ATP6V1H: variants seen among roughly 807,000 people sequenced by gnomAD.
The protein encoded by ATP6V1H is V-type proton ATPase subunit H.
A neutral mutation model predicts 71.7 loss-of-function variants in ATP6V1H; 39 were observed. The ratio of observed to expected loss-of-function variants is 0.54; its 90% CI spans 0.42 to 0.71. The LOEUF (loss-of-function observed/expected upper bound fraction) is 0.71. Among genes scored for constraint, ATP6V1H ranks in the 30% least tolerant of loss-of-function variants. The probability of loss-of-function intolerance (pLI) is 0.00; values close to 1 mark genes in which losing one functional copy is unlikely to be tolerated. For synonymous variants in ATP6V1H, 192 were observed against 199.3 expected, an observed-to-expected ratio of 0.96 and a Z score of 0.31; for missense variants, 509 against 594.9, an observed-to-expected ratio of 0.86 and a Z score of 1.50.
chr8:53,795,872 A>C, intron 8 of ATP6V1H, 33 bp from the exon 9 acceptor site: 1 of 1,561,344 alleles, frequency 6.4e-7, no homozygotes, highest in South Asian at 1.2e-5. Flanking sequence ...AAACACATTT[A>C]CAAAACATTT....
intron 2 of ATP6V1H, chr8:53,839,749 A>T (rs1763083964): frequency 1.0e-6 from 1 of 985,258 alleles, no homozygotes; most frequent in Non-Finnish European, 1.2e-6. Context: ...TCTCAAAAAG[A>T]GGGCTCTGGG....
At chr8:53,793,949 A>G (rs1350952316) in intron 9 of ATP6V1H, among the ~76,000 whole-genome samples, 6 of 152,316 alleles carry the variant, frequency 3.9e-5, no homozygotes, top group African/African-American at 1.4e-4. Context: ...AAAAAACAAA[A>G]AAAAGTGTAC....
At chr8:53,733,322 T>G (rs1807090989) in intron 13 of ATP6V1H, among the ~76,000 whole-genome samples, 1 of 152,158 alleles carries the variant, frequency 6.6e-6, no homozygotes, top group Non-Finnish European at 1.5e-5. Context: ...CTCAGTACAC[T>G]TGGACCTGGC....
intron 4 of ATP6V1H, among the ~76,000 whole-genome samples, chr8:53,827,396 A>T (rs1350856463): frequency 6.6e-6 from 1 of 152,148 alleles, no homozygotes; most frequent in Non-Finnish European, 1.5e-5. Flanking sequence ...AAAATAAATA[A>T]AATAAAAATA....
intron 2 of ATP6V1H, among the ~76,000 whole-genome samples, chr8:53,839,073 A>T (rs1276845481): frequency 6.6e-6 from 1 of 152,248 alleles, no homozygotes; most frequent in Non-Finnish European, 1.5e-5. Flanking sequence ...GGACATCAGA[A>T]CAAAAGACAG....
At chr8:53,829,043 C>G (rs1320306158) in intron 4 of ATP6V1H, among the ~76,000 whole-genome samples, 1 of 152,174 alleles carries the variant, frequency 6.6e-6, no homozygotes, top group Non-Finnish European at 1.5e-5. Flanking sequence ...AACAAAAGCA[C>G]CGAACCTCCA....
chr8:53,742,168 G>A (rs1716809448), intron 13 of ATP6V1H, among the ~76,000 whole-genome samples: 1 of 152,138 alleles, frequency 6.6e-6, no homozygotes, highest in Admixed American at 6.5e-5. Flanking sequence ...CATCCTTCAT[G>A]TCAGAGTTTG....
In ATP6V1H at chr8:53,808,870, TA is replaced by T. The variant is rs569890853; in HGVS notation, c.579+2293del. Among the ~76,000 whole-genome samples the T allele has an allele frequency of 2.2e-3, 337 of 152,252 alleles. 2 individuals carry two copies. The highest frequency in any genetic ancestry group is 7.8e-3 in the African/African-American group (326 of 41,544). On this transcript the variant is annotated intron_variant, in intron 7 of 13. Coordinates refer to ENST00000359530, the MANE Select transcript of ATP6V1H (RefSeq NM_015941.4). ...TAAAATGATGCTTCTGAGGCCATTT[TA>T]AAAAAGGTAAGACTGTTGAATCATG...
At chr8:53,781,622 A>G (rs1478970541) in intron 9 of ATP6V1H, among the ~76,000 whole-genome samples, 28 of 152,246 alleles carry the variant, frequency 1.8e-4, no homozygotes, top group Middle Eastern at 3.4e-3. Context: ...GCCCATGCCT[A>G]TGTCCTGAAT....
chr8:53,769,260 A>T (rs1808569617), intron 11 of ATP6V1H, among the ~76,000 whole-genome samples: 1 of 152,140 alleles, frequency 6.6e-6, no homozygotes, highest in African/African-American at 2.4e-5. Flanking sequence ...TGATGAATTG[A>T]CCTACATCGA....
chr8:53,730,015 C>A (rs950568591), intron 13 of ATP6V1H, among the ~76,000 whole-genome samples: 1 of 152,210 alleles, frequency 6.6e-6, no homozygotes, highest in Non-Finnish European at 1.5e-5. Context: ...CATGATGACA[C>A]AGCTCAGCCT....
At position 53,795,663 on chromosome 8, in the gene ATP6V1H, A is replaced by G. The variant is rs1246137393; in HGVS notation, c.854T>C (p.Ile285Thr). 1.2e-6 allele frequency: 2 copies of G among 1,612,736 alleles called. No individual in the cohort carries two copies. Among genetic ancestry groups the G allele is most frequent in the Non-Finnish European group, 1.7e-6 (2 of 1,179,706 alleles). The change falls in exon 9 of 14, where the codon ATT (isoleucine) becomes ACT (threonine). Residue 285 changes from isoleucine (I) to threonine (T), a missense_variant. Physicochemically the swap from Ile to Thr is moderately conservative, Grantham distance 89. Coordinates refer to ENST00000359530, the MANE Select transcript of ATP6V1H (RefSeq NM_015941.4). The stretch of plus-strand genomic sequence containing the variant: ...AACACTTACACGAAATGCTGCAAGA[A>G]TGATTCTTGTTACTTTCTCTTTGAC... ...ESVKEKVTRIILAAFRNFLEK... is the reference protein window; with the variant it reads ...ESVKEKVTRITLAAFRNFLEK...
At chr8:53,773,246 C>T (rs1808740053) in intron 9 of ATP6V1H, among the ~76,000 whole-genome samples, 1 of 152,138 alleles carries the variant, frequency 6.6e-6, no homozygotes, top group Admixed American at 6.5e-5. Flanking sequence ...TGCAATCCTC[C>T]TTATTATGAA....
chr8:53,802,490 G>T, intron 7 of ATP6V1H, among the ~76,000 whole-genome samples: 1 of 152,208 alleles, frequency 6.6e-6, no homozygotes, highest in East Asian at 1.9e-4. Flanking sequence ...AGGCTGAGGC[G>T]GGGGGATTTC....
intron 10 of ATP6V1H, among the ~76,000 whole-genome samples, chr8:53,771,759 G>A (rs964325451): frequency 6.7e-4 from 102 of 152,268 alleles, no homozygotes; most frequent in African/African-American, 2.4e-3. Flanking sequence ...GCCGGTCAGA[G>A]TTTAGACGGC....
At chr8:53,716,421 G>A (rs200567227) in intron 13 of ATP6V1H, among the ~76,000 whole-genome samples, 2 of 152,178 alleles carry the variant, frequency 1.3e-5, no homozygotes, top group East Asian at 1.9e-4. Flanking sequence ...CCTCAATTAC[G>A]ATTCTGAATG....
At chr8:53,814,538 A>AC in intron 6 of ATP6V1H, 124 bp downstream of exon 6, 1 of 585,924 alleles carries the variant, frequency 1.7e-6, no homozygotes, top group East Asian at 3.0e-5. Flanking sequence ...GGTTTACTTG[A>AC]CAAGTTCAAA....
chr8:53,801,873 C>T lies in ATP6V1H; in HGVS notation c.603G>A (p.Val201=). ...SSDSSQYVQC[V]AGCLQLMLRV... The stretch of plus-strand genomic sequence containing the variant: ...GGAGCATCAGCTGCAAACACCCGGC[C>T]ACGCACTGCACATACTGCGAACTCT... The change falls in exon 8 of 14, where the codon GTG becomes GTA. Residue 201 remains valine (V), a synonymous_variant. Coordinates refer to ENST00000359530, the MANE Select transcript of ATP6V1H (RefSeq NM_015941.4). The T allele has an allele frequency of 3.7e-6, 6 of 1,613,882 alleles. No individual in the cohort carries two copies. The highest frequency in any genetic ancestry group is 5.1e-6 in the Non-Finnish European group (6 of 1,179,918).
At chr8:53,726,311 T>C (rs1021036805) in intron 13 of ATP6V1H, among the ~76,000 whole-genome samples, 1 of 152,222 alleles carries the variant, frequency 6.6e-6, no homozygotes, top group Non-Finnish European at 1.5e-5. Context: ...GGAAGCTTTT[T>C]TCCCTTAAAG....
Sources: gnomAD v4.1 joint callset for allele counts (sites outside exome capture counted in the v4.1 genomes callset) on GRCh38, gnomAD v4.1.1 for gene constraint, MANE v1.5 for transcripts, NCBI Gene and HGNC (gene_info 2026-07-23, HGNC 2026-07-21) for gene names.